Variants in HABP2 observed in about 807,000 individuals in gnomAD.
HABP2 encodes the protein factor VII-activating protease.
HABP2 carries 65 observed loss-of-function variants against 66.5 expected under a neutral mutation model. The observed-to-expected ratio is 0.98, with a 90% CI of 0.80 to 1.20. The LOEUF is 1.20. HABP2 is among the 50% of genes most tolerant of loss of function. The pLI is 0.00. For missense variants in HABP2, 786 were observed against 691.0 expected, an observed-to-expected ratio of 1.14 and a Z score of -1.54; for synonymous variants, 263 against 253.9, an observed-to-expected ratio of 1.04 and a Z score of -0.34.
At chr10:113,576,052 G>A in intron 4 of HABP2, 48 bp downstream of exon 4, 1 of 1,008,856 alleles carries the variant, frequency 9.9e-7, no homozygotes. Context: ...TTAAACAAGA[G>A]GCAGTCCTTT....
At chr10:113,588,155 C>T (rs768395755) in intron 12 of HABP2, 50 bp from the exon 13 acceptor site, 44 of 1,500,756 alleles carry the variant, frequency 2.9e-5, no homozygotes, top group Non-Finnish European at 3.6e-5. Context: ...GGGGGCATCT[C>T]CAGATGTCTC....
intron 12 of HABP2, among the ~76,000 whole-genome samples, chr10:113,587,954 A>T (rs1210313483): frequency 1.3e-5 from 2 of 150,728 alleles, no homozygotes; most frequent in African/African-American, 4.9e-5. Context: ...GAGAGTTGGG[A>T]AGTGCAGCTG....
rs760460649 is a variant in HABP2 at position 113,575,964 on chromosome 10, C to A, written c.291C>A (p.Cys97Ter). 6.2e-7 allele frequency: 1 copy of A among 1,610,024 alleles called. No homozygotes were observed. The highest frequency in any genetic ancestry group is 8.5e-7 in the Non-Finnish European group (1 of 1,176,226). ...DCLVHGSTFT[C>*]SCLAPFSGNK... Reference sequence around the variant, plus strand: ...TCGTCCATGGGAGCACCTTCACATGCAGCTGCCTGGCTCCTTTCTCTGGGA... The same window carrying A: ...TCGTCCATGGGAGCACCTTCACATGAAGCTGCCTGGCTCCTTTCTCTGGGA... Residue 97 changes from cysteine to a stop codon, truncating the protein, a stop_gained, in exon 4 of 13, where the codon TGC becomes TGA. Transcript: ENST00000351270. LOFTEE classifies it high-confidence loss of function.
chr10:113,588,424 G>A lies in HABP2; in HGVS notation c.*55G>A, dbSNP rs1845711255. On this transcript the variant is annotated 3_prime_UTR_variant, in exon 13 of 13. Coordinates refer to ENST00000351270, the MANE Select transcript of HABP2 (RefSeq NM_004132.5). ...TCTCCTTGGCACCCTGACACCGGGA[G>A]GCCTCATGGCCAACAATGGACACCT... 7.1e-7 allele frequency: 1 copy of A among 1,405,530 alleles called. No homozygotes were observed. Among genetic ancestry groups the A allele is most frequent in the East Asian group, 2.3e-5 (1 of 43,504 alleles). The allele number at this position is 1,405,530 out of a possible 1,614,324, so 87.1% of individuals were successfully genotyped here.
intron 1 of HABP2, among the ~76,000 whole-genome samples, chr10:113,565,720 G>A (rs530002562): frequency 6.6e-5 from 10 of 152,318 alleles, no homozygotes; most frequent in Admixed American, 4.6e-4. Flanking sequence ...TTTTGCCATT[G>A]TTTTTAAATC....
At chr10:113,583,586 T>A (rs1265205730) in intron 10 of HABP2, among the ~76,000 whole-genome samples, 2 of 152,188 alleles carry the variant, frequency 1.3e-5, no homozygotes, top group African/African-American at 4.8e-5. Context: ...CTAGGAACAT[T>A]GTGCTATGGA....
At chr10:113,575,104 T>G (rs1845385432) in intron 3 of HABP2, among the ~76,000 whole-genome samples, 1 of 152,110 alleles carries the variant, frequency 6.6e-6, no homozygotes, top group Non-Finnish European at 1.5e-5. Flanking sequence ...ACTTAGCAGC[T>G]GGAATAAAAG....
At chr10:113,562,441 C>CTTT (rs11396673) in intron 1 of HABP2, among the ~76,000 whole-genome samples, 121 of 121,646 alleles carry the variant, frequency 9.9e-4, no homozygotes, top group African/African-American at 3.7e-3. Context: ...ATTGGATAAG[C>CTTT]TTTTTTTTTT....
At chr10:113,576,422 C>T (rs1033511347) in intron 4 of HABP2, among the ~76,000 whole-genome samples, 1 of 152,210 alleles carries the variant, frequency 6.6e-6, no homozygotes, top group African/African-American at 2.4e-5. Context: ...ATCAAGGTCA[C>T]ACAGCTAGCT....
In HABP2 at chr10:113,554,979, G is replaced by T. The variant is rs555139954; in HGVS notation, c.69+1789G>T. Among the ~76,000 whole-genome samples, 144 of 152,302 alleles carry T rather than the reference G, an allele frequency of 9.5e-4. 1 individual carries two copies. The highest frequency in any genetic ancestry group is 3.2e-3 in the African/African-American group (132 of 41,564). ...CGGGAAGGCGGCTTGTGTTCCACAGGCTGGCATACAGACATCAGGGGAAAG... is the reference window on the plus strand; with the variant it reads ...CGGGAAGGCGGCTTGTGTTCCACAGTCTGGCATACAGACATCAGGGGAAAG... On this transcript the variant is annotated intron_variant, in intron 1 of 12. Coordinates refer to ENST00000351270, the MANE Select transcript of HABP2 (RefSeq NM_004132.5).
At chr10:113,567,004 C>T (rs977730413) in intron 1 of HABP2, among the ~76,000 whole-genome samples, 1 of 152,188 alleles carries the variant, frequency 6.6e-6, no homozygotes, top group Admixed American at 6.5e-5. Context: ...GAACTGTCAC[C>T]TGAAGAAATC....
rs1845479517 is a variant in HABP2, at chr10:113,579,455, T to G, written c.740+657T>G. On this transcript the variant is annotated intron_variant, in intron 7 of 12. Transcript: ENST00000351270. ...CATCCTCTTCCCACACATACTTTGT[T>G]GGTCAGAAATAATCACATGAGCCCA... 5.3e-5 allele frequency among the ~76,000 whole-genome samples: 8 copies of G among 152,144 alleles called. 1 individual carries two copies. The highest frequency in any genetic ancestry group is 5.2e-4 in the Admixed American group (8 of 15,276).
chr10:113,578,992 C>T (rs1162617754), intron 7 of HABP2, among the ~76,000 whole-genome samples, 194 bp downstream of exon 7: 2 of 151,862 alleles, frequency 1.3e-5, no homozygotes, highest in Non-Finnish European at 2.9e-5. Flanking sequence ...TGCTGTGGTT[C>T]ATGCCTGTAA....
At chr10:113,562,633 T>C (rs3824790) in intron 1 of HABP2, among the ~76,000 whole-genome samples, 61,251 of 151,992 alleles carry the variant, frequency 0.4, 12,619 homozygotes, top group Middle Eastern at 0.52. Context: ...TTAGTAGAGA[T>C]GGGGTTTTGC....
chr10:113,580,837 CCCAA>C (rs1845514871), intron 8 of HABP2, 145 bp downstream of exon 8: 9 of 597,404 alleles, frequency 1.5e-5, no homozygotes, highest in Non-Finnish European at 2.7e-5. Flanking sequence ...AGCCCAACTG[CCCAA>C]CTGTCTGCAC....
intron 2 of HABP2, among the ~76,000 whole-genome samples, chr10:113,569,135 G>T (rs1385397275): frequency 1.7e-4 from 26 of 152,186 alleles, no homozygotes; most frequent in Non-Finnish European, 1.5e-5. Context: ...GCTCTCAGGA[G>T]GTAATGAGTT....
At chr10:113,575,512 G>C (rs11575681) in intron 3 of HABP2, among the ~76,000 whole-genome samples, 1 of 152,250 alleles carries the variant, frequency 6.6e-6, no homozygotes, top group Admixed American at 6.5e-5. Context: ...GGAAGTAGGG[G>C]AGGTCTTCAG....
At chr10:113,560,336 T>C (rs554331693) in intron 1 of HABP2, among the ~76,000 whole-genome samples, 12 of 152,290 alleles carry the variant, frequency 7.9e-5, no homozygotes, top group African/African-American at 2.6e-4. Flanking sequence ...TCATACCTAT[T>C]AGGATGGCTA....
intron 12 of HABP2, among the ~76,000 whole-genome samples, 184 bp from the exon 13 acceptor site, chr10:113,588,009 ACTGTTATCTTCT>A (rs1182141713): frequency 1.3e-5 from 2 of 151,982 alleles, no homozygotes; most frequent in Non-Finnish European, 2.9e-5. Flanking sequence ...GACGGAGGAC[ACTGTTATCTTCT>A]CTCCCTTAGA....
Sources: allele counts gnomAD v4.1 joint callset (sites outside exome capture counted in the v4.1 genomes callset), GRCh38; gene constraint gnomAD v4.1.1; transcripts MANE v1.5; gene names NCBI Gene and HGNC (gene_info 2026-07-23, HGNC 2026-07-21).